The following UBE3D variants were observed in gnomAD, a reference collection of about 807,000 sequenced individuals.
UBE3D encodes E3 ubiquitin-protein ligase E3D.
Under a neutral mutation model 49.6 loss-of-function variants are expected in UBE3D, and 48 were observed. The observed-to-expected ratio is 0.97, with a 90% CI of 0.77 to 1.23. UBE3D has a LOEUF of 1.23. Among genes scored for constraint, UBE3D ranks in the 50% most tolerant of loss-of-function variants. The pLI is 0.00. For missense variants in UBE3D, 452 were observed against 468.4 expected (o/e 0.96, Z 0.32); for synonymous variants, 189 against 174.2 (o/e 1.08, Z -0.67).
chr6:83,061,981 C>A (rs947591993), intron 1 of UBE3D, among the ~76,000 whole-genome samples: 2 of 152,216 alleles, frequency 1.3e-5, no homozygotes, highest in Admixed American at 1.3e-4. Flanking sequence ...CAGTTTAATA[C>A]TCAAATGTTA....
chr6:83,047,888 C>G (rs1164601978), intron 3 of UBE3D, among the ~76,000 whole-genome samples: 2 of 151,876 alleles, frequency 1.3e-5, no homozygotes, highest in Non-Finnish European at 2.9e-5. Flanking sequence ...CAAGACCATC[C>G]TGGCTAACAC....
At chr6:82,939,612 T>C (rs894564342) in intron 9 of UBE3D, among the ~76,000 whole-genome samples, 1 of 152,250 alleles carries the variant, frequency 6.6e-6, no homozygotes, top group Non-Finnish European at 1.5e-5. Context: ...CAGTGCCATA[T>C]AGGCTTGCAG....
chr6:82,918,169 A>C (rs1032077359), intron 9 of UBE3D, among the ~76,000 whole-genome samples: 2 of 152,008 alleles, frequency 1.3e-5, no homozygotes, highest in Non-Finnish European at 2.9e-5. Flanking sequence ...TTATCTTTTC[A>C]GTTTTTGGGA....
chr6:83,036,721 CTCTT>C (rs1782285173), intron 5 of UBE3D: 3 of 150,502 alleles, frequency 2.0e-5, no homozygotes, highest in African/African-American at 4.9e-5. Context: ...TATAAGCTCT[CTCTT>C]TTTTTTTTTT....
At chr6:83,048,179 G>A (rs907109054) in intron 3 of UBE3D, among the ~76,000 whole-genome samples, 3 of 151,358 alleles carry the variant, frequency 2.0e-5, no homozygotes, top group Non-Finnish European at 4.4e-5. Flanking sequence ...CCCTGGCAAT[G>A]CAGAACAGCC....
At position 83,013,455 on chromosome 6, in the gene UBE3D, C is replaced by T. The variant is rs1224926662; in HGVS notation, c.1010+5518G>A. Among the ~76,000 whole-genome samples, 3 of 152,270 alleles carry T rather than the reference C, an allele frequency of 2.0e-5. No homozygotes were observed. In the East Asian group the frequency reaches 5.8e-4, roughly 29 times the overall value. On this transcript the variant is annotated intron_variant, in intron 8 of 9. Coordinates refer to ENST00000369747, the MANE Select transcript of UBE3D (RefSeq NM_198920.3). ...CCATTGGATCTGCTGGGTTACATGGCCCAAGTGGCAGAGCAGCTTGCATAG... is the reference window on the plus strand; with the variant it reads ...CCATTGGATCTGCTGGGTTACATGGTCCAAGTGGCAGAGCAGCTTGCATAG...
chr6:82,884,221 A>T, the UBE3D span, among the ~76,000 whole-genome samples: 1 of 152,150 alleles, frequency 6.6e-6, no homozygotes, highest in African/African-American at 2.4e-5. Context: ...TTCTCCTTCC[A>T]TCTATACCCT....
At chr6:82,985,021 T>C (rs1427296534) in intron 8 of UBE3D, among the ~76,000 whole-genome samples, 1 of 140,992 alleles carries the variant, frequency 7.1e-6, no homozygotes, top group Non-Finnish European at 1.5e-5. Context: ...TTTTTTTTTT[T>C]TTTTTTTTTT....
chr6:82,889,206 G>A (rs1050287239), downstream of UBE3D, among the ~76,000 whole-genome samples: 6 of 152,112 alleles, frequency 3.9e-5, no homozygotes, highest in Non-Finnish European at 5.9e-5. Context: ...GAATAACAAC[G>A]AAATGTGGAT....
intron 7 of UBE3D, 46 bp downstream of exon 7, chr6:83,022,406 AC>A (rs1781163125): frequency 8.1e-7 from 1 of 1,238,484 alleles, no homozygotes; most frequent in African/African-American, 1.6e-5. Flanking sequence ...GAATTCTGAG[AC>A]CTTGGATTCC....
chr6:83,009,314 C>A (rs535931093), intron 8 of UBE3D, among the ~76,000 whole-genome samples: 1 of 151,986 alleles, frequency 6.6e-6, no homozygotes, highest in South Asian at 2.1e-4. Context: ...ATAATGATTA[C>A]CAAATATTAC....
Position 82,920,942 on chromosome 6 carries a change from A to ATT in UBE3D, c.1150-27902_1150-27901dup, listed in dbSNP as rs377206246. Reference sequence around the variant, plus strand: ...TCAGTATAGAAAACTAAAAATGCTGATTTTTTTTTTTTTTTTTTGAGACAG... The same window carrying ATT: ...TCAGTATAGAAAACTAAAAATGCTGATTTTTTTTTTTTTTTTTTTTGAGACAG... On this transcript the variant is annotated intron_variant, in intron 9 of 9. Transcript: ENST00000369747. Among the ~76,000 whole-genome samples the ATT allele has an allele frequency of 8.9e-3, 1,218 of 136,764 alleles. 15 individuals are homozygous for ATT. The highest frequency in any genetic ancestry group is 0.018 in the African/African-American group (660 of 36,586). The allele number at this position is 136,764 out of a possible 152,430, so 89.7% of individuals were successfully genotyped here.
Position 83,021,253 on chromosome 6 carries a change from C to G in UBE3D, c.846+1200G>C, listed in dbSNP as rs540686290. The stretch of plus-strand genomic sequence containing the variant: ...CCCAGGAGTTTGAGACCAACCTGGG[C>G]AACATAGCAAGACCTCGTCTTCACA... On this transcript the variant is annotated intron_variant, in intron 7 of 9. Coordinates refer to ENST00000369747, the MANE Select transcript of UBE3D (RefSeq NM_198920.3). 2.0e-5 allele frequency among the ~76,000 whole-genome samples: 3 copies of G among 152,004 alleles called. No homozygotes were observed. In the East Asian group the frequency reaches 5.8e-4, roughly 30 times the overall value.
intron 8 of UBE3D, among the ~76,000 whole-genome samples, chr6:82,977,581 A>G (rs1258393839): frequency 6.6e-6 from 1 of 151,962 alleles, no homozygotes; most frequent in Admixed American, 6.6e-5. Context: ...TGCATTACAA[A>G]TCTCCCAGCA....
At chr6:82,995,809 G>A (rs1353991985) in intron 8 of UBE3D, among the ~76,000 whole-genome samples, 1 of 152,142 alleles carries the variant, frequency 6.6e-6, no homozygotes, top group Admixed American at 6.5e-5. Flanking sequence ...GTGGCTGCCT[G>A]TAATCCCAGC....
intron 5 of UBE3D, among the ~76,000 whole-genome samples, chr6:83,035,350 C>T (rs529070585): frequency 1.7e-4 from 26 of 152,220 alleles, no homozygotes; most frequent in African/African-American, 5.5e-4. Flanking sequence ...TAGATTGAAT[C>T]CCTAGTTTAG....
chr6:83,047,267 G>A (rs138612344), intron 3 of UBE3D, among the ~76,000 whole-genome samples: 136 of 152,242 alleles, frequency 8.9e-4, no homozygotes, highest in African/African-American at 3.2e-3. Context: ...CACTGCTTAC[G>A]GTAAAAATGA....
At chr6:83,035,951 G>A (rs1169452297) in intron 5 of UBE3D, 2 of 151,838 alleles carry the variant, frequency 1.3e-5, no homozygotes, top group Admixed American at 1.3e-4. Flanking sequence ...GAGATTACAG[G>A]GATAGACAAG....
chr6:82,937,962 C>T (rs1467130924), intron 9 of UBE3D, among the ~76,000 whole-genome samples: 2 of 152,150 alleles, frequency 1.3e-5, no homozygotes, highest in Non-Finnish European at 2.9e-5. Context: ...TCAACTCCAT[C>T]CTCTTGGAGA....
Sources: gnomAD v4.1 joint callset for allele counts (sites outside exome capture counted in the v4.1 genomes callset) on GRCh38, gnomAD v4.1.1 for gene constraint, MANE v1.5 for transcripts, NCBI Gene and HGNC (gene_info 2026-07-23, HGNC 2026-07-21) for gene names.